ZC3H18: variants seen among roughly 807,000 people sequenced by gnomAD.
The protein encoded by ZC3H18 is zinc finger CCCH-type containing 18.
ZC3H18 carries 8 observed loss-of-function variants against 106.1 expected under a neutral mutation model. The observed-to-expected ratio is 0.08, with a 90% CI of 0.04 to 0.14. The LOEUF (loss-of-function observed/expected upper bound fraction) is 0.14, where lower values mean the gene tolerates loss of function less well. Ranked by LOEUF, ZC3H18 falls within the 10% of genes least tolerant of loss-of-function variation. The probability of loss-of-function intolerance (pLI) is 1.00; values close to 1 mark genes in which losing one functional copy is unlikely to be tolerated. For missense variants in ZC3H18, 1,318 were observed against 1,278.4 expected (o/e 1.03, Z -0.47); for synonymous variants, 635 against 522.1 (o/e 1.22, Z -2.95).
chr16:88,625,838 AT>A (rs1175357328), intron 13 of ZC3H18: 3,380 of 104,456 alleles, frequency 0.032, 89 homozygotes, highest in African/African-American at 0.11. Flanking sequence ...ACAGAAAAAG[AT>A]TTTTTTTTTT....
At chr16:88,582,188 C>G (rs372925610) in intron 2 of ZC3H18, among the ~76,000 whole-genome samples, 54 of 148,548 alleles carry the variant, frequency 3.6e-4, no homozygotes, top group African/African-American at 1.3e-3. Context: ...AATATTTTCT[C>G]CTGTTTAAAT....
chr16:88,621,558 A>G (rs555224913), intron 8 of ZC3H18, among the ~76,000 whole-genome samples: 4 of 151,988 alleles, frequency 2.6e-5, no homozygotes, highest in Admixed American at 2.6e-4. Flanking sequence ...GAGTTTCACC[A>G]TGTTGGCCAG....
Position 88,631,810 on chromosome 16 carries a change from G to T in ZC3H18, c.*511G>T. 1 of 293,164 alleles carries T rather than the reference G, an allele frequency of 3.4e-6. No individual in the cohort carries two copies. Among genetic ancestry groups the T allele is most frequent in the South Asian group, 2.7e-5 (1 of 37,694 alleles). The allele number at this position is 293,164 out of a possible 1,614,324, so 18.2% of individuals were successfully genotyped here. A position where few individuals can be genotyped will look rare whatever the true frequency, so the allele number is the denominator to read the frequency against. ...AAAGTCTCATCAGGAAATATTTCCTGTCTTTTATTTTAAGCATCAAATTGT... is the reference window on the plus strand; with the variant it reads ...AAAGTCTCATCAGGAAATATTTCCTTTCTTTTATTTTAAGCATCAAATTGT... On this transcript the variant is annotated 3_prime_UTR_variant, in exon 18 of 18. Transcript: ENST00000301011.
In ZC3H18 at chr16:88,624,660, A is replaced by G. The variant is rs939287165; in HGVS notation, c.1957A>G (p.Thr653Ala). Residue 653 changes from threonine (T) to alanine (A), a missense_variant, in exon 12 of 18, where the codon ACT (threonine) becomes GCT (alanine). Transcript: ENST00000301011. Reference sequence around the variant, plus strand: ...AGCCCCACCACAGGCCACCAAAACCACTGCTCCTGTCCCCGAGCCCACCAA... The same window carrying G: ...AGCCCCACCACAGGCCACCAAAACCGCTGCTCCTGTCCCCGAGCCCACCAA... ...PPAPPQATKT[T>A]APVPEPTKPG... The G allele has an allele frequency of 5.9e-5, 96 of 1,613,496 alleles. No individual in the cohort carries two copies. Among genetic ancestry groups the G allele is most frequent in the Non-Finnish European group, 8.0e-5 (94 of 1,179,852 alleles).
Position 88,598,605 on chromosome 16 carries a change from C to T in ZC3H18, c.838-15C>T, listed in dbSNP as rs774138295. 2.8e-5 allele frequency: 45 copies of T among 1,601,326 alleles called. No homozygotes were observed. Among genetic ancestry groups the T allele is most frequent in the Non-Finnish European group, 3.8e-5 (44 of 1,172,672 alleles). On this transcript the variant is annotated splice_polypyrimidine_tract_variant and intron_variant, in intron 4 of 17. Coordinates refer to ENST00000301011, the MANE Select transcript of ZC3H18 (RefSeq NM_144604.4). ...GTTTTACTTTCTCACCTTCTCCCTTCTCGTTTTTCAATAGGGTGGGCCGGT... is the reference window on the plus strand; with the variant it reads ...GTTTTACTTTCTCACCTTCTCCCTTTTCGTTTTTCAATAGGGTGGGCCGGT...
At position 88,609,029 on chromosome 16, in the gene ZC3H18, CAG is replaced by C. The variant is rs750345545; in HGVS notation, c.1187_1188del (p.Glu396AlafsTer4). On this transcript the variant is annotated frameshift_variant, in exon 7 of 18. Transcript: ENST00000301011. LOFTEE classifies it high-confidence loss of function. ...AATTTCAGGGTGCAGTATACAGAAA[CAG>C]AGCCGTATCATAATTACCGAGTAAG... The C allele has an allele frequency of 6.2e-7, 1 of 1,613,528 alleles. No individual in the cohort carries two copies. Among genetic ancestry groups the C allele is most frequent in the Non-Finnish European group, 8.5e-7 (1 of 1,179,698 alleles).
chr16:88,598,735 C>T (rs1448488948), intron 5 of ZC3H18, 23 bp downstream of exon 5: 6 of 1,594,594 alleles, frequency 3.8e-6, no homozygotes, highest in Non-Finnish European at 2.6e-6. Flanking sequence ...CAGCAGAAAT[C>T]CCGACAAGAA....
intron 6 of ZC3H18, among the ~76,000 whole-genome samples, 188 bp downstream of exon 6, chr16:88,600,136 G>C (rs118099805): frequency 6.6e-6 from 1 of 152,298 alleles, no homozygotes; most frequent in East Asian, 1.9e-4. Flanking sequence ...TTTGCTTCTA[G>C]GAAGGAAGCG....
At position 88,593,381 on chromosome 16, in the gene ZC3H18, G is replaced by A. The variant is rs929880912; in HGVS notation, c.689-4797G>A. On this transcript the variant is annotated intron_variant, in intron 3 of 17. Coordinates refer to ENST00000301011, the MANE Select transcript of ZC3H18 (RefSeq NM_144604.4). The stretch of plus-strand genomic sequence containing the variant: ...ACAGCTTGCATCTGCTGGACAAAGG[G>A]ATGATTCGTGTCCCAGGTGGGGCAG... 2.6e-5 allele frequency among the ~76,000 whole-genome samples: 4 copies of A among 152,236 alleles called. No individual in the cohort carries two copies. The South Asian group carries it at 8.3e-4, about 31-fold the overall frequency.
chr16:88,622,380 T>C lies in ZC3H18; in HGVS notation c.1659T>C (p.Asn553=), dbSNP rs1467309538. The change falls in exon 9 of 18, where the codon AAT becomes AAC. Residue 553 remains asparagine (N), a synonymous_variant. Coordinates refer to ENST00000301011, the MANE Select transcript of ZC3H18 (RefSeq NM_144604.4). ...CAGCCTCGTCAGCCTCTGCCTCTAA[T>C]TCCTCCAGGTAAGGAGGGCTCGTGG... is the stretch of plus-strand genomic sequence containing the variant. ...KTSASSASAS[N]SSRSSSRSSS... The C allele has an allele frequency of 6.2e-7, 1 of 1,608,218 alleles. No homozygotes were observed. The highest frequency in any genetic ancestry group is 8.5e-7 in the Non-Finnish European group (1 of 1,176,660).
At chr16:88,623,040 T>G (rs1339318071) in intron 9 of ZC3H18, 179 bp from the exon 10 acceptor site, 3 of 795,188 alleles carry the variant, frequency 3.8e-6, no homozygotes, top group East Asian at 2.8e-5. Flanking sequence ...CACTGAAGAG[T>G]GTCTGGGGGA....
rs1415447080 is a variant in ZC3H18 at position 88,624,019 on chromosome 16, A to G, written c.1855A>G (p.Ile619Val). The change falls in exon 11 of 18, where the codon ATC becomes GTC. Residue 619 changes from isoleucine to valine, a missense_variant. Ile to Val is a conservative substitution (Grantham distance 29, BLOSUM62 3). Transcript: ENST00000301011. ...SPTPSPHRPSIRTKGEPAPPP... is the reference protein window; with the variant it reads ...SPTPSPHRPSVRTKGEPAPPP... ...AACACCTTCCCCACATAGACCTTCC[A>G]TCAGAACCAAGGGAGAGCCGGCCCC... The G allele has an allele frequency of 1.1e-5, 18 of 1,613,804 alleles. 1 individual carries two copies. In the South Asian group the frequency reaches 2.0e-4, roughly 18 times the overall value.
At chr16:88,595,673 G>T (rs1158773420) in intron 3 of ZC3H18, among the ~76,000 whole-genome samples, 1 of 151,468 alleles carries the variant, frequency 6.6e-6, no homozygotes, top group Non-Finnish European at 1.5e-5. Flanking sequence ...CGGGCTTGGT[G>T]GTGCACACCT....
intron 6 of ZC3H18, among the ~76,000 whole-genome samples, chr16:88,605,191 G>A (rs1904952938): frequency 6.6e-6 from 1 of 152,232 alleles, no homozygotes; most frequent in Non-Finnish European, 1.5e-5. Flanking sequence ...CCCCCTGAGT[G>A]AGCAGGGAGG....
rs181319940 is a variant in ZC3H18 at position 88,611,784 on chromosome 16, C to G, written c.1475+248C>G. Among the ~76,000 whole-genome samples the G allele has an allele frequency of 2.8e-4, 42 of 152,372 alleles. No homozygotes were observed. The East Asian group carries it at 7.7e-3, about 28-fold the overall frequency. The stretch of plus-strand genomic sequence containing the variant: ...GGAGGCTGTTCTCATTCTAGAGGAT[C>G]TCACTGATGTGAAAATGCTTACAGT... On this transcript the variant is annotated intron_variant, in intron 8 of 17. Transcript: ENST00000301011.
intron 11 of ZC3H18, 180 bp downstream of exon 11, chr16:88,624,242 C>A: frequency 2.4e-6 from 2 of 831,882 alleles, no homozygotes; most frequent in Non-Finnish European, 3.7e-6. Flanking sequence ...TTCTCACGGG[C>A]CACCCTTACA....
chr16:88,606,825 C>T (rs1597344157), intron 6 of ZC3H18, among the ~76,000 whole-genome samples: 1 of 152,250 alleles, frequency 6.6e-6, no homozygotes, highest in East Asian at 1.9e-4. Flanking sequence ...TTTGGGAGAG[C>T]CAGTTCTAGG....
At chr16:88,616,561 G>A (rs547185929) in intron 8 of ZC3H18, among the ~76,000 whole-genome samples, 2 of 152,200 alleles carry the variant, frequency 1.3e-5, no homozygotes, top group African/African-American at 4.8e-5. Context: ...TTTCCCCAGC[G>A]CAGAATTTCC....
Position 88,594,942 on chromosome 16 carries a change from G to C in ZC3H18, c.689-3236G>C, listed in dbSNP as rs368605962. ...CGAGGCGGGCGGATCACCTGAGGTC[G>C]CAAGCTCAAGACTAGCCTGACCAAC... On this transcript the variant is annotated intron_variant, in intron 3 of 17. Coordinates refer to ENST00000301011, the MANE Select transcript of ZC3H18 (RefSeq NM_144604.4). Among the ~76,000 whole-genome samples, 73 of 152,006 alleles carry C rather than the reference G, an allele frequency of 4.8e-4. 1 individual carries two copies. The highest frequency in any genetic ancestry group is 9.1e-4 in the Non-Finnish European group (62 of 67,948).
Sources: gnomAD v4.1 joint callset for allele counts (sites outside exome capture counted in the v4.1 genomes callset) on GRCh38, gnomAD v4.1.1 for gene constraint, MANE v1.5 for transcripts, NCBI Gene and HGNC (gene_info 2026-07-23, HGNC 2026-07-21) for gene names.